Variants in ATP1A4 observed in about 807,000 individuals in gnomAD.
ATP1A4 encodes sodium/potassium-transporting ATPase subunit alpha-4.
ATP1A4 carries 90 observed loss-of-function variants against 114.3 expected under a neutral mutation model. The ratio of observed to expected loss-of-function variants is 0.79; its 90% confidence interval spans 0.66 to 0.94. The LOEUF (loss-of-function observed/expected upper bound fraction) is 0.94. Ranked by LOEUF, ATP1A4 falls within the 40% of genes least tolerant of loss-of-function variation. The pLI, the probability that ATP1A4 is intolerant of heterozygous loss-of-function variation, is 0.00. For synonymous variants in ATP1A4, 511 were observed against 494.1 expected, an observed-to-expected ratio of 1.03 and a Z score of -0.45; for missense variants, 1,222 against 1,313.6, an observed-to-expected ratio of 0.93 and a Z score of 1.08.
At chr1:160,179,736 T>C (rs763068504) in intron 18 of ATP1A4, among the ~76,000 whole-genome samples, 7 of 152,202 alleles carry the variant, frequency 4.6e-5, no homozygotes, top group East Asian at 1.9e-4. Flanking sequence ...GGGGATATGA[T>C]AGTGAACAAA....
chr1:160,156,977 G>A (rs1652692685), intron 4 of ATP1A4, among the ~76,000 whole-genome samples: 1 of 152,096 alleles, frequency 6.6e-6, no homozygotes, highest in Non-Finnish European at 1.5e-5. Flanking sequence ...AGCTGAGCGT[G>A]CCTGTAGTGC....
At position 160,174,156 on chromosome 1, in the gene ATP1A4, A is replaced by G. The variant is rs758054340; in HGVS notation, c.2037A>G (p.Ile679Met). Residue 679 changes from isoleucine (I) to methionine (M), a missense_variant, in exon 14 of 22, where the codon ATA (isoleucine) becomes ATG (methionine). Transcript: ENST00000368081. The stretch of plus-strand genomic sequence containing the variant: ...TGCATGGTGCAGAACTGAAGGACAT[A>G]CAGTCCAAGCAGCTTGATCAGATCC... The part of the protein sequence containing the change: ...IVVHGAELKD[I>M]QSKQLDQILQ... The G allele has an allele frequency of 1.9e-6, 3 of 1,614,082 alleles. No individual in the cohort carries two copies. The highest frequency in any genetic ancestry group is 2.5e-6 in the Non-Finnish European group (3 of 1,180,048).
chr1:160,171,392 T>C lies in ATP1A4; in HGVS notation c.1633T>C (p.Phe545Leu). Reference protein sequence around the residue: ...YSMNDEMKEAFQNAYLELGGL... With the variant: ...YSMNDEMKEALQNAYLELGGL... ...AATGAACGATGAAATGAAGGAAGCC[T>C]TCCAAAATGCCTACTTAGAACTGGG... The change falls in exon 11 of 22, where the codon TTC (phenylalanine) becomes CTC (leucine). Residue 545 changes from phenylalanine (F) to leucine (L), a missense_variant. Transcript: ENST00000368081. 1 of 1,614,152 alleles carries C rather than the reference T, an allele frequency of 6.2e-7. No individual in the cohort carries two copies. Among genetic ancestry groups the C allele is most frequent in the Non-Finnish European group, 8.5e-7 (1 of 1,180,008 alleles).
At chr1:160,169,443 C>T (rs569766546) in intron 10 of ATP1A4, among the ~76,000 whole-genome samples, 1 of 152,370 alleles carries the variant, frequency 6.6e-6, no homozygotes, top group Non-Finnish European at 1.5e-5. Flanking sequence ...TTACTGAGCA[C>T]TTAGAAAACT....
At chr1:160,185,208 G>T (rs1653838700) in intron 20 of ATP1A4, among the ~76,000 whole-genome samples, 1 of 151,680 alleles carries the variant, frequency 6.6e-6, no homozygotes, top group Non-Finnish European at 1.5e-5. Context: ...CGCCTCCCGG[G>T]TTCAAGTAAT....
At chr1:160,182,918 C>A (rs1404220406) in intron 20 of ATP1A4, 1 of 152,254 alleles carries the variant, frequency 6.6e-6, no homozygotes, top group African/African-American at 2.4e-5. Context: ...GGTGATCCAC[C>A]TGCCTGTGCC....
chr1:160,180,839 C>A lies in ATP1A4; in HGVS notation c.2737-845C>A, dbSNP rs950530767. Among the ~76,000 whole-genome samples, 5 of 151,906 alleles carry A rather than the reference C, an allele frequency of 3.3e-5. No homozygotes were observed. In the South Asian group the frequency reaches 6.3e-4, roughly 19 times the overall value. On this transcript the variant is annotated intron_variant, in intron 18 of 21. Transcript: ENST00000368081. ...ACACCATTCTCTCGCCTCAGCCTCC[C>A]GAGCAGCTGGGACTACAGGCACCCG...
chr1:160,174,996 C>G (rs1174073386), intron 15 of ATP1A4, among the ~76,000 whole-genome samples: 1 of 152,208 alleles, frequency 6.6e-6, no homozygotes, highest in African/African-American at 2.4e-5. Flanking sequence ...ATCAGGGAGA[C>G]TGAGACTCTG....
At chr1:160,162,598 G>T (rs948708322) in intron 6 of ATP1A4, among the ~76,000 whole-genome samples, 2 of 152,206 alleles carry the variant, frequency 1.3e-5, no homozygotes, top group African/African-American at 4.8e-5. Context: ...GTGCGTGGCA[G>T]GATGTTTAAC....
In ATP1A4 at chr1:160,173,630, A is replaced by G. The variant is rs753890390; in HGVS notation, c.1904A>G (p.Lys635Arg). 1.2e-6 allele frequency: 2 copies of G among 1,614,208 alleles called. No homozygotes were observed. Among genetic ancestry groups the G allele is most frequent in the Non-Finnish European group, 1.7e-6 (2 of 1,180,036 alleles). The change falls in exon 13 of 22, where the codon AAG becomes AGG. Residue 635 changes from lysine to arginine, a missense_variant. Lys to Arg is a conservative substitution (Grantham distance 26, BLOSUM62 2). Transcript: ENST00000368081. The part of the protein sequence containing the change: ...DHPITAKAIA[K>R]GVGIISEGTE... ...CCCATTACAGCTAAGGCCATTGCCA[A>G]GGGTGTGGGCATCATCTCAGAAGGC...
In ATP1A4 at chr1:160,177,599, G is replaced by C. The variant is rs1327189750; in HGVS notation, c.2671G>C (p.Gly891Arg). ...TGGTTTTAGGCCTGTTGATCTGCTGGGCATCCGCCTCCACTGGGAAGATAA... is the reference window on the plus strand; with the variant it reads ...TGGTTTTAGGCCTGTTGATCTGCTGCGCATCCGCCTCCACTGGGAAGATAA... ...ENGFRPVDLL[G>R]IRLHWEDKYL... Residue 891 changes from glycine to arginine, a missense_variant, in exon 18 of 22, where the codon GGC (glycine) becomes CGC (arginine). Gly to Arg is a moderately radical substitution (Grantham distance 125). Coordinates refer to ENST00000368081, the MANE Select transcript of ATP1A4 (RefSeq NM_144699.4). The C allele has an allele frequency of 6.2e-7, 1 of 1,614,170 alleles. No individual in the cohort carries two copies. Among genetic ancestry groups the C allele is most frequent in the East Asian group, 2.2e-5 (1 of 44,882 alleles).
intron 20 of ATP1A4, among the ~76,000 whole-genome samples, chr1:160,185,545 G>A (rs1653849523): frequency 6.6e-6 from 1 of 152,110 alleles, no homozygotes; most frequent in Admixed American, 6.5e-5. Flanking sequence ...TAGCACTTTG[G>A]GAGGCTGAGG....
intron 2 of ATP1A4, among the ~76,000 whole-genome samples, chr1:160,153,902 G>T (rs1438851322): frequency 3.9e-5 from 6 of 152,130 alleles, no homozygotes; most frequent in African/African-American, 1.2e-4. Flanking sequence ...CCCCTGAAAG[G>T]GTTTTGGGGC....
intron 4 of ATP1A4, among the ~76,000 whole-genome samples, chr1:160,158,174 G>A (rs1267107109): frequency 6.6e-6 from 1 of 152,122 alleles, no homozygotes; most frequent in Admixed American, 6.5e-5. Flanking sequence ...TCATAATTCT[G>A]TGGCTGTGCT....
chr1:160,180,023 A>G lies in ATP1A4; in HGVS notation c.2737-1661A>G, dbSNP rs151263166. Among the ~76,000 whole-genome samples, 841 of 152,336 alleles carry G rather than the reference A, an allele frequency of 5.5e-3. 3 individuals carry two copies. Among genetic ancestry groups the G allele is most frequent in the Non-Finnish European group, 8.3e-3 (562 of 68,032 alleles). ...GCCCAGGTGGGGAGTACAGGACAAC[A>G]TCATTGGAGGAGATCAAGGAACTGT... On this transcript the variant is annotated intron_variant, in intron 18 of 21. Coordinates refer to ENST00000368081, the MANE Select transcript of ATP1A4 (RefSeq NM_144699.4).
chr1:160,185,360 C>T (rs1653842783), intron 20 of ATP1A4, among the ~76,000 whole-genome samples: 1 of 151,968 alleles, frequency 6.6e-6, no homozygotes, highest in South Asian at 2.1e-4. Flanking sequence ...ATCCATCTGC[C>T]TCGGCCTCCC....
chr1:160,164,492 G>T (rs542724778), intron 7 of ATP1A4, 68 bp downstream of exon 7: 1 of 1,538,528 alleles, frequency 6.5e-7, no homozygotes, highest in East Asian at 2.2e-5. Context: ...GATCACTAGC[G>T]TCTCTTTTGT....
intron 6 of ATP1A4, 98 bp downstream of exon 6, chr1:160,159,624 C>T: frequency 9.0e-7 from 1 of 1,110,452 alleles, no homozygotes; most frequent in Non-Finnish European, 1.3e-6. Context: ...TAGGTAAGAG[C>T]CAGTAAAAAG....
intron 18 of ATP1A4, among the ~76,000 whole-genome samples, chr1:160,178,236 T>A (rs1274519739): frequency 6.6e-6 from 1 of 151,564 alleles, no homozygotes; most frequent in African/African-American, 2.4e-5. Context: ...ATGCCTGTAA[T>A]CCCAACCACT....
Sources: allele counts gnomAD v4.1 joint callset (sites outside exome capture counted in the v4.1 genomes callset), GRCh38; gene constraint gnomAD v4.1.1; transcripts MANE v1.5; gene names NCBI Gene and HGNC (gene_info 2026-07-23, HGNC 2026-07-21).